SLC24A2: variants seen among roughly 807,000 people sequenced by gnomAD.
The protein encoded by SLC24A2 is sodium/potassium/calcium exchanger 2.
A neutral mutation model predicts 62.0 loss-of-function variants in SLC24A2; 36 were observed. That is an observed-to-expected ratio of 0.58 (90% confidence interval 0.44 to 0.77). The LOEUF (loss-of-function observed/expected upper bound fraction) is 0.77. SLC24A2 is among the 30% of genes least tolerant of loss of function. The pLI is 0.00. For synonymous variants in SLC24A2, 358 were observed against 294.0 expected, an observed-to-expected ratio of 1.22 and a Z score of -2.23; for missense variants, 846 against 817.9, an observed-to-expected ratio of 1.03 and a Z score of -0.42.
At chr9:19,787,195 C>T (rs374862376) in intron 1 of SLC24A2, among the ~76,000 whole-genome samples, 176 bp from the exon 2 acceptor site, 192 of 152,218 alleles carry the variant, frequency 1.3e-3, no homozygotes, top group African/African-American at 4.4e-3. Context: ...GTACCTACCA[C>T]CCAGGATTGT....
At chr9:20,009,215 T>C in the SLC24A2 span, among the ~76,000 whole-genome samples, 828 of 151,840 alleles carry the variant, frequency 5.5e-3, 2 homozygotes, top group Admixed American at 0.013. Flanking sequence ...ACACTGAGAG[T>C]AACAGCAGGG....
chr9:20,113,300 C>A, the SLC24A2 span, among the ~76,000 whole-genome samples: 1 of 152,132 alleles, frequency 6.6e-6, no homozygotes, highest in Admixed American at 6.6e-5. Context: ...CATTTACCAG[C>A]TGTGAAAAGT....
chr9:19,776,169 T>C (rs903505121), intron 2 of SLC24A2, among the ~76,000 whole-genome samples: 24 of 152,330 alleles, frequency 1.6e-4, no homozygotes, highest in Admixed American at 1.4e-3. Flanking sequence ...AAGTCACTGA[T>C]TTGACAGCTC....
the SLC24A2 span, among the ~76,000 whole-genome samples, chr9:19,863,678 C>A: frequency 7.3e-6 from 1 of 137,454 alleles, no homozygotes; most frequent in Non-Finnish European, 1.6e-5. Context: ...AACAGAAACA[C>A]AACTTACCAA....
the SLC24A2 span, among the ~76,000 whole-genome samples, chr9:20,186,531 T>A: frequency 6.6e-6 from 1 of 152,182 alleles, no homozygotes; most frequent in Non-Finnish European, 1.5e-5. Context: ...CTTTGCCAGC[T>A]ACCTACCTGA....
chr9:19,516,551 G>T (rs984485630), intron 10 of SLC24A2, 149 bp from the exon 11 acceptor site: 36 of 954,266 alleles, frequency 3.8e-5, no homozygotes, highest in Middle Eastern at 6.6e-4. Flanking sequence ...ACTCGGGCAT[G>T]GTTGGCCCAG....
At chr9:20,009,478 G>A in the SLC24A2 span, among the ~76,000 whole-genome samples, 1 of 151,744 alleles carries the variant, frequency 6.6e-6, no homozygotes, top group Non-Finnish European at 1.5e-5. Context: ...GGCCAATGGA[G>A]CAATGGAGGT....
At chr9:19,926,050 C>G in the SLC24A2 span, 3 of 152,142 alleles carry the variant, frequency 2.0e-5, no homozygotes. Context: ...GGTTTTGGCT[C>G]GAGTTACCCT....
At chr9:19,969,504 G>C in the SLC24A2 span, among the ~76,000 whole-genome samples, 2 of 152,032 alleles carry the variant, frequency 1.3e-5, no homozygotes, top group Admixed American at 6.6e-5. Context: ...CCTTTCTTCT[G>C]GTGTCTCTTC....
chr9:19,963,950 C>CA, the SLC24A2 span, among the ~76,000 whole-genome samples: 1 of 151,970 alleles, frequency 6.6e-6, no homozygotes, highest in African/African-American at 2.4e-5. Context: ...TTCACAATAG[C>CA]AAAGACTTGG....
chr9:19,548,530 G>C (rs62561123), intron 8 of SLC24A2, among the ~76,000 whole-genome samples: 1 of 152,202 alleles, frequency 6.6e-6, no homozygotes, highest in Non-Finnish European at 1.5e-5. Flanking sequence ...GGTTGGGAAG[G>C]ACTTTTAGAA....
the SLC24A2 span, among the ~76,000 whole-genome samples, chr9:20,278,180 C>T: frequency 1.3e-5 from 2 of 152,096 alleles, no homozygotes; most frequent in African/African-American, 4.8e-5. Context: ...CACATGTATA[C>T]ATATGTAACA....
chr9:19,761,948 G>A (rs1822346947), intron 2 of SLC24A2, among the ~76,000 whole-genome samples: 1 of 152,136 alleles, frequency 6.6e-6, no homozygotes, highest in Non-Finnish European at 1.5e-5. Context: ...ACATACGTGT[G>A]CATGTGTCCT....
At chr9:19,947,622 G>C in the SLC24A2 span, among the ~76,000 whole-genome samples, 7 of 151,300 alleles carry the variant, frequency 4.6e-5, no homozygotes, top group Admixed American at 1.3e-4. Context: ...AACCCTGTCT[G>C]TACTAAAAAT....
the SLC24A2 span, among the ~76,000 whole-genome samples, chr9:20,116,332 A>C: frequency 2.6e-4 from 40 of 152,134 alleles, no homozygotes; most frequent in African/African-American, 9.2e-4. Context: ...GAATGCCTGC[A>C]GATCTTAGAA....
At chr9:20,196,778 G>A in the SLC24A2 span, among the ~76,000 whole-genome samples, 1 of 152,064 alleles carries the variant, frequency 6.6e-6, no homozygotes, top group Non-Finnish European at 1.5e-5. Context: ...GCTCACTGTG[G>A]AAAAGTTGAA....
At chr9:20,091,844 A>T in the SLC24A2 span, among the ~76,000 whole-genome samples, 1 of 152,214 alleles carries the variant, frequency 6.6e-6, no homozygotes, top group Non-Finnish European at 1.5e-5. Context: ...ATCAACCTAA[A>T]TGACCATCAA....
At chr9:20,225,576 T>TATATATTATA in the SLC24A2 span, among the ~76,000 whole-genome samples, 1 of 126,444 alleles carries the variant, frequency 7.9e-6, no homozygotes, top group African/African-American at 3.6e-5. Context: ...ATATATATAA[T>TATATATTATA]TTCATTTAAA....
At chr9:19,987,188 G>A in the SLC24A2 span, among the ~76,000 whole-genome samples, 1 of 152,114 alleles carries the variant, frequency 6.6e-6, no homozygotes, top group Non-Finnish European at 1.5e-5. Context: ...AACGAGTTTA[G>A]TTGGGTCATG....
Sources: allele counts gnomAD v4.1 joint callset (sites outside exome capture counted in the v4.1 genomes callset), GRCh38; gene constraint gnomAD v4.1.1; transcripts MANE v1.5; gene names NCBI Gene and HGNC (gene_info 2026-07-23, HGNC 2026-07-21).